The following RAB38 variants were observed in gnomAD, a reference collection of about 807,000 sequenced individuals.
The protein encoded by RAB38 is ras-related protein Rab-38.
A neutral mutation model predicts 18.4 loss-of-function variants in RAB38; 15 were observed. That is an observed-to-expected ratio of 0.82 (90% CI 0.55 to 1.26). The LOEUF (loss-of-function observed/expected upper bound fraction) is 1.26, where lower values mean the gene tolerates loss of function less well. Among genes scored for constraint, RAB38 ranks in the 50% most tolerant of loss-of-function variants. RAB38 has a pLI of 0.00. For synonymous variants in RAB38, 101 were observed against 104.4 expected (o/e 0.97, Z 0.20); for missense variants, 294 against 267.4 (o/e 1.10, Z -0.69).
chr11:87,950,165 C>G, the RAB38 span, among the ~76,000 whole-genome samples: 55 of 152,108 alleles, frequency 3.6e-4, 1 homozygote, highest in Middle Eastern at 6.8e-3. Flanking sequence ...CTCTTTTGGT[C>G]TTTGTTGGTT....
At chr11:87,858,823 A>C in the RAB38 span, among the ~76,000 whole-genome samples, 1 of 151,934 alleles carries the variant, frequency 6.6e-6, no homozygotes, top group Non-Finnish European at 1.5e-5. Context: ...ATTTGCAGGT[A>C]TTTATTAAAC....
chr11:88,078,176 A>G, the RAB38 span, among the ~76,000 whole-genome samples: 2 of 152,066 alleles, frequency 1.3e-5, no homozygotes, highest in Admixed American at 6.5e-5. Flanking sequence ...GATGCTTGCA[A>G]GGATGTAGAG....
chr11:87,867,827 A>G, the RAB38 span, among the ~76,000 whole-genome samples: 1 of 151,712 alleles, frequency 6.6e-6, no homozygotes, highest in Non-Finnish European at 1.5e-5. Flanking sequence ...CCACAGATGA[A>G]GAAACTAAGA....
At chr11:87,836,669 T>C in the RAB38 span, among the ~76,000 whole-genome samples, 3 of 152,174 alleles carry the variant, frequency 2.0e-5, no homozygotes, top group Non-Finnish European at 4.4e-5. Context: ...CCTTCACTGG[T>C]TTTCCATGGC....
the RAB38 span, among the ~76,000 whole-genome samples, chr11:88,055,542 T>C: frequency 1.3e-5 from 2 of 152,174 alleles, no homozygotes; most frequent in Non-Finnish European, 2.9e-5. Flanking sequence ...TCACATATTA[T>C]TACATTCTAT....
chr11:88,077,036 G>GAAAA, the RAB38 span, among the ~76,000 whole-genome samples: 6 of 109,096 alleles, frequency 5.5e-5, no homozygotes, highest in Non-Finnish European at 1.1e-4. Flanking sequence ...AAGAAAGAAA[G>GAAAA]CAAGCAAGAA....
the RAB38 span, among the ~76,000 whole-genome samples, chr11:87,945,865 A>AAGTT: frequency 6.6e-6 from 1 of 152,168 alleles, no homozygotes; most frequent in Non-Finnish European, 1.5e-5. Context: ...TAAAGATATT[A>AAGTT]AGTTAGCTTT....
At chr11:88,021,103 A>G in the RAB38 span, among the ~76,000 whole-genome samples, 2 of 152,162 alleles carry the variant, frequency 1.3e-5, no homozygotes. Context: ...TAAAGATCAG[A>G]GCAGAAATAA....
the RAB38 span, among the ~76,000 whole-genome samples, chr11:88,063,758 C>T: frequency 6.6e-6 from 1 of 152,182 alleles, no homozygotes; most frequent in South Asian, 2.1e-4. Context: ...AGCACATGCT[C>T]TCTTGCCTGC....
At chr11:87,976,648 AT>A in the RAB38 span, among the ~76,000 whole-genome samples, 1 of 107,658 alleles carries the variant, frequency 9.3e-6, no homozygotes, top group Non-Finnish European at 1.7e-5. Context: ...TTTATATGAT[AT>A]ATAAATATAT....
At chr11:88,145,250 A>C (rs899696840) in intron 2 of RAB38, among the ~76,000 whole-genome samples, 4 of 151,870 alleles carry the variant, frequency 2.6e-5, no homozygotes, top group African/African-American at 4.8e-5. Flanking sequence ...CCCAGGTTCA[A>C]GCGATTCTCC....
At chr11:87,955,873 GCACACACACACACACACACACA>G in the RAB38 span, among the ~76,000 whole-genome samples, 2 of 148,506 alleles carry the variant, frequency 1.3e-5, no homozygotes, top group African/African-American at 2.5e-5. Flanking sequence ...CAAACAGTAT[GCACACACACACACACACACACA>G]CACACACACA....
chr11:88,163,732 G>C (rs958323132), intron 1 of RAB38, among the ~76,000 whole-genome samples: 7 of 152,060 alleles, frequency 4.6e-5, no homozygotes, highest in Admixed American at 2.6e-4. Context: ...ATACATTTTC[G>C]AAAGTATTCT....
chr11:87,872,789 T>G, the RAB38 span, among the ~76,000 whole-genome samples: 1 of 151,610 alleles, frequency 6.6e-6, no homozygotes, highest in Admixed American at 6.6e-5. Context: ...GTTTGATAGC[T>G]CAGAACTTTT....
At chr11:87,906,804 C>A in the RAB38 span, among the ~76,000 whole-genome samples, 1 of 151,850 alleles carries the variant, frequency 6.6e-6, no homozygotes, top group South Asian at 2.1e-4. Flanking sequence ...ATTTTATACA[C>A]AATTTTCTCT....
At chr11:87,970,736 T>C in the RAB38 span, among the ~76,000 whole-genome samples, 1 of 152,218 alleles carries the variant, frequency 6.6e-6, no homozygotes, top group Admixed American at 6.5e-5. Context: ...TGTATAAATA[T>C]GAAAATATAA....
the RAB38 span, among the ~76,000 whole-genome samples, chr11:87,938,213 C>T: frequency 6.6e-6 from 1 of 152,042 alleles, no homozygotes; most frequent in Non-Finnish European, 1.5e-5. Context: ...TCCAGCTTTT[C>T]ATGGGATCTT....
At chr11:87,825,779 A>G in the RAB38 span, among the ~76,000 whole-genome samples, 1 of 152,118 alleles carries the variant, frequency 6.6e-6, no homozygotes, top group East Asian at 1.9e-4. Context: ...TTGATTGTAT[A>G]TGCTGTCAAG....
chr11:87,928,222 AT>A, the RAB38 span, among the ~76,000 whole-genome samples: 1 of 152,056 alleles, frequency 6.6e-6, no homozygotes, highest in Non-Finnish European at 1.5e-5. Context: ...TATTAGTAGT[AT>A]TTTCCCTCTT....
Sources: gnomAD v4.1 joint callset for allele counts (sites outside exome capture counted in the v4.1 genomes callset) on GRCh38, gnomAD v4.1.1 for gene constraint, MANE v1.5 for transcripts, NCBI Gene and HGNC (gene_info 2026-07-23, HGNC 2026-07-21) for gene names.